The following GALNT9 variants were observed in gnomAD, a reference collection of about 807,000 sequenced individuals.
GALNT9 encodes the protein polypeptide N-acetylgalactosaminyltransferase 9, also known as GalNAc transferase 9.
GALNT9 carries 47 observed loss-of-function variants against 63.1 expected under a neutral mutation model. The ratio of observed to expected loss-of-function variants is 0.75; its 90% CI spans 0.59 to 0.95. The LOEUF (loss-of-function observed/expected upper bound fraction) is 0.95. Ranked by LOEUF, GALNT9 falls within the 40% of genes least tolerant of loss-of-function variation. The pLI is 0.00. For missense variants in GALNT9, 829 were observed against 874.8 expected (o/e 0.95, Z 0.66); for synonymous variants, 396 against 365.7 (o/e 1.08, Z -0.94).
At chr12:132,293,798 G>A (rs148833601) in intron 1 of GALNT9, among the ~76,000 whole-genome samples, 4 of 129,886 alleles carry the variant, frequency 3.1e-5, no homozygotes, top group Non-Finnish European at 3.7e-5. Context: ...AAGCCGGGGG[G>A]TCCCGTATAC....
intron 6 of GALNT9, among the ~76,000 whole-genome samples, chr12:132,235,290 G>C (rs1467798302): frequency 2.6e-5 from 4 of 152,168 alleles, no homozygotes; most frequent in Admixed American, 2.6e-4. Context: ...AGCCGGGTGC[G>C]GTGGGCGCTG....
intron 10 of GALNT9, 147 bp downstream of exon 10, chr12:132,197,645 C>T: frequency 1.5e-6 from 1 of 650,678 alleles, no homozygotes; most frequent in Non-Finnish European, 2.7e-6. Context: ...CATAAGGGAA[C>T]AGCTGATCCA....
chr12:132,311,711 A>G (rs1881817959), intron 1 of GALNT9, among the ~76,000 whole-genome samples: 1 of 152,058 alleles, frequency 6.6e-6, no homozygotes, highest in Non-Finnish European at 1.5e-5. Context: ...TTGTCCAGCA[A>G]GCAGGACTCC....
Position 132,329,207 on chromosome 12 carries a change from C to G in GALNT9, c.-4G>C. ...GGATCTTCCTGGCCACCGCCATGAA[C>G]ACGGCTGCAGCGGGGGCCTCACCCG... On this transcript the variant is annotated 5_prime_UTR_variant, in exon 1 of 11. Coordinates refer to ENST00000328957, the MANE Select transcript of GALNT9 (RefSeq NM_001122636.2). The G allele has an allele frequency of 6.5e-7, 1 of 1,543,586 alleles. No individual in the cohort carries two copies. Among genetic ancestry groups the G allele is most frequent in the East Asian group, 2.5e-5 (1 of 40,660 alleles).
At chr12:132,276,762 G>A (rs1880109641) in intron 2 of GALNT9, among the ~76,000 whole-genome samples, 1 of 152,146 alleles carries the variant, frequency 6.6e-6, no homozygotes, top group South Asian at 2.1e-4. Flanking sequence ...TGTGCTTTGT[G>A]GCATAATTAA....
At chr12:132,250,590 G>C (rs1878874516) in intron 5 of GALNT9, among the ~76,000 whole-genome samples, 1 of 152,230 alleles carries the variant, frequency 6.6e-6, no homozygotes, top group Admixed American at 6.5e-5. Context: ...AGGAGTTCAA[G>C]ATCAGACTGG....
At chr12:132,300,647 T>TA (rs1200704309) in intron 1 of GALNT9, among the ~76,000 whole-genome samples, 1 of 145,214 alleles carries the variant, frequency 6.9e-6, no homozygotes, top group Non-Finnish European at 1.5e-5. Context: ...CCACCACACC[T>TA]AACCCACCCC....
rs990679989 is a variant in GALNT9 at position 132,307,760 on chromosome 12, G to C, written c.238+21206C>G. On this transcript the variant is annotated intron_variant, in intron 1 of 10. Transcript: ENST00000328957. Reference sequence around the variant, plus strand: ...GAGGCAGGAGAATCACCTGCACCTAGGAGGCAGAGGTTGCAGTGAGCTGAG... The same window carrying C: ...GAGGCAGGAGAATCACCTGCACCTACGAGGCAGAGGTTGCAGTGAGCTGAG... Among the ~76,000 whole-genome samples the C allele has an allele frequency of 2.6e-5, 4 of 152,086 alleles. No individual in the cohort carries two copies. In the East Asian group the frequency reaches 5.8e-4, roughly 22 times the overall value.
intron 6 of GALNT9, among the ~76,000 whole-genome samples, chr12:132,207,714 G>C (rs910641430): frequency 2.0e-5 from 3 of 152,198 alleles, no homozygotes; most frequent in Admixed American, 2.0e-4. Flanking sequence ...TTCAGTCTCC[G>C]GGCTTGGGCC....
chr12:132,271,001 C>T (rs1296110254), intron 2 of GALNT9, among the ~76,000 whole-genome samples: 3 of 152,036 alleles, frequency 2.0e-5, no homozygotes, highest in Non-Finnish European at 4.4e-5. Flanking sequence ...AACGAGACAA[C>T]AGCAGCACAG....
chr12:132,303,991 A>G (rs553565790), intron 1 of GALNT9, among the ~76,000 whole-genome samples: 3 of 22,494 alleles, frequency 1.3e-4, no homozygotes, highest in African/African-American at 1.9e-4. Context: ...ACCCTCACCC[A>G]GACACAGCCT....
Position 132,245,941 on chromosome 12 carries a change from G to A in GALNT9, c.1077+1969C>T, listed in dbSNP as rs1878692099. ...GGGGTCCCGTCCTCCCTCGCTCTTC[G>A]GCCTCGGTGGTGGCTGCGCACTGCC... On this transcript the variant is annotated intron_variant, in intron 6 of 10. Coordinates refer to ENST00000328957, the MANE Select transcript of GALNT9 (RefSeq NM_001122636.2). The surrounding 1 kb of genome is among the most constrained non-coding windows in gnomAD (Gnocchi z 6.3). Among the ~76,000 whole-genome samples, 1 of 152,178 alleles carries A rather than the reference G, an allele frequency of 6.6e-6. No homozygotes were observed. The highest frequency in any genetic ancestry group is 6.5e-5 in the Admixed American group (1 of 15,290).
rs1298353797 is a variant in GALNT9, at chr12:132,267,457, G to A, written c.420-4832C>T. ...CTAAGACGCATTCTCCCGTGCACACGGAGAACCCACACCGTCGCCCAGCAC... is the reference window on the plus strand; with the variant it reads ...CTAAGACGCATTCTCCCGTGCACACAGAGAACCCACACCGTCGCCCAGCAC... On this transcript the variant is annotated intron_variant, in intron 2 of 10. Transcript: ENST00000328957. Among the ~76,000 whole-genome samples the A allele has an allele frequency of 7.2e-5, 11 of 152,332 alleles. No individual in the cohort carries two copies. The South Asian group carries it at 1.0e-3, about 14-fold the overall frequency.
intron 5 of GALNT9, among the ~76,000 whole-genome samples, chr12:132,253,397 C>T (rs1175154362): frequency 2.0e-5 from 3 of 151,796 alleles, no homozygotes; most frequent in East Asian, 1.9e-4. Flanking sequence ...CTGGCGTTAC[C>T]GCTTGACCAA....
At chr12:132,204,321 T>TC (rs1220073987) in intron 6 of GALNT9, among the ~76,000 whole-genome samples, 1 of 152,066 alleles carries the variant, frequency 6.6e-6, no homozygotes, top group Non-Finnish European at 1.5e-5. Flanking sequence ...CTCCGGTTTG[T>TC]CCCCCCGCGC....
intron 1 of GALNT9, among the ~76,000 whole-genome samples, chr12:132,312,831 G>T (rs556363347): frequency 5.9e-4 from 90 of 152,252 alleles, no homozygotes; most frequent in African/African-American, 2.0e-3. Context: ...CTGCCCCCAG[G>T]GTGGATCCCC....
chr12:132,228,038 T>G, intron 6 of GALNT9, among the ~76,000 whole-genome samples: 2 of 152,252 alleles, frequency 1.3e-5, no homozygotes, highest in Middle Eastern at 6.8e-3. Flanking sequence ...CTCTGTGGTC[T>G]GCTGGGGAGT....
intron 6 of GALNT9, among the ~76,000 whole-genome samples, chr12:132,224,953 C>T (rs910837111): frequency 0.025 from 3,692 of 148,568 alleles, 146 homozygotes; most frequent in African/African-American, 0.087. Flanking sequence ...ACCCCACACA[C>T]TGTACATACA....
chr12:132,197,716 AG>A, intron 10 of GALNT9, 75 bp downstream of exon 10: 1 of 1,129,106 alleles, frequency 8.9e-7, no homozygotes, highest in East Asian at 2.6e-5. Context: ...GGCTGGCTCT[AG>A]TGGCAGAGGC....
Sources: gnomAD v4.1 joint callset for allele counts (sites outside exome capture counted in the v4.1 genomes callset) on GRCh38, gnomAD v4.1.1 for gene constraint, Gnocchi (gnomAD v3.1) non-coding constraint, MANE v1.5 for transcripts, NCBI Gene and HGNC (gene_info 2026-07-23, HGNC 2026-07-21) for gene names.